IQCB1: variants seen among roughly 807,000 people sequenced by gnomAD.
IQCB1 encodes the protein IQ motif containing B1, also known as IQ calmodulin-binding motif-containing protein 1.
Under a neutral mutation model 84.4 loss-of-function variants are expected in IQCB1, and 56 were observed. The ratio of observed to expected loss-of-function variants is 0.66; its 90% CI spans 0.54 to 0.83. IQCB1 has a LOEUF of 0.83. Ranked by LOEUF, IQCB1 falls within the 40% of genes least tolerant of loss-of-function variation. The pLI is 0.00. For synonymous variants in IQCB1, 210 were observed against 234.8 expected (o/e 0.89, Z 0.96); for missense variants, 629 against 682.1 (o/e 0.92, Z 0.87).
chr3:121,779,162 T>C (rs1011490528), intron 13 of IQCB1, among the ~76,000 whole-genome samples: 1 of 152,102 alleles, frequency 6.6e-6, no homozygotes, highest in African/African-American at 2.4e-5. Flanking sequence ...CTTGGCACAG[T>C]TTTTTCCATG....
At chr3:121,819,490 T>C (rs1334880716) in intron 5 of IQCB1, among the ~76,000 whole-genome samples, 2 of 152,170 alleles carry the variant, frequency 1.3e-5, no homozygotes, top group Admixed American at 6.5e-5. Context: ...TGACAGGCCA[T>C]GGATGAGTAC....
Position 121,770,168 on chromosome 3 carries a change from G to A in IQCB1, c.*177C>T, listed in dbSNP as rs1157858602. 5 of 595,388 alleles carry A rather than the reference G, an allele frequency of 8.4e-6. No homozygotes were observed. Among genetic ancestry groups the A allele is most frequent in the South Asian group, 2.0e-5 (1 of 49,446 alleles). The allele number at this position is 595,388 out of a possible 1,614,324, so 36.9% of individuals were successfully genotyped here. On this transcript the variant is annotated 3_prime_UTR_variant, in exon 15 of 15. Coordinates refer to ENST00000310864, the MANE Select transcript of IQCB1 (RefSeq NM_001023570.4). Reference sequence around the variant, plus strand: ...GCTAACGATGAGGATACAGAGAAAAGAAAAAGAAAATTGAGAGAGAGGTAG... The same window carrying A: ...GCTAACGATGAGGATACAGAGAAAAAAAAAAGAAAATTGAGAGAGAGGTAG...
intron 13 of IQCB1, among the ~76,000 whole-genome samples, chr3:121,778,768 T>C (rs1338411389): frequency 1.3e-5 from 2 of 151,914 alleles, no homozygotes; most frequent in Admixed American, 6.6e-5. Flanking sequence ...TAGCTGAGCA[T>C]GATGGCAGGC....
At position 121,795,543 on chromosome 3, in the gene IQCB1, C is replaced by T; in HGVS notation, c.900G>A (p.Leu300=). The change falls in exon 10 of 15, where the codon TTG becomes TTA. Residue 300 remains leucine (L), a synonymous_variant. Coordinates refer to ENST00000310864, the MANE Select transcript of IQCB1 (RefSeq NM_001023570.4). ...EEQKLHQAAC[L]IQAYWKGFQT... Reference sequence around the variant, plus strand: ...GAAAACCCTTCCAATAGGCTTGAATCAAGCATGCTGCTTGATGTAGTTTCT... The same window carrying T: ...GAAAACCCTTCCAATAGGCTTGAATTAAGCATGCTGCTTGATGTAGTTTCT... 1 of 1,600,734 alleles carries T rather than the reference C, an allele frequency of 6.2e-7. No individual in the cohort carries two copies. Among genetic ancestry groups the T allele is most frequent in the Non-Finnish European group, 8.6e-7 (1 of 1,168,480 alleles).
chr3:121,811,550 A>T (rs1480461782), intron 5 of IQCB1, among the ~76,000 whole-genome samples: 1 of 152,178 alleles, frequency 6.6e-6, no homozygotes, highest in African/African-American at 2.4e-5. Context: ...AACAGTCTGA[A>T]GTCGACCAAC....
At chr3:121,802,309 T>A (rs569134417) in intron 7 of IQCB1, among the ~76,000 whole-genome samples, 1 of 152,286 alleles carries the variant, frequency 6.6e-6, no homozygotes, top group Non-Finnish European at 1.5e-5. Context: ...AATTTTTTTT[T>A]ATAGCTATCT....
rs1409452360 is a variant in IQCB1, at chr3:121,796,226, A to G, written c.877-660T>C. Among the ~76,000 whole-genome samples the G allele has an allele frequency of 3.3e-5, 5 of 152,012 alleles. No individual in the cohort carries two copies. In the East Asian group the frequency reaches 9.6e-4, roughly 29 times the overall value. On this transcript the variant is annotated intron_variant, in intron 9 of 14. Transcript: ENST00000310864. ...ATGGTTCATATATACAGAAAAAAGG[A>G]ATTCCCTTCTTCTGCACTCTTCCTT...
rs141663454 is a variant in IQCB1 at position 121,793,338 on chromosome 3, G to A, written c.986+2119C>T. ...ACTATGAAAGTGCATTAGCAAGGGC[G>A]TGACTATAAAAGAATGCCTCTTGCT... On this transcript the variant is annotated intron_variant, in intron 10 of 14. Transcript: ENST00000310864. Among the ~76,000 whole-genome samples the A allele has an allele frequency of 5.6e-3, 852 of 152,326 alleles. 3 individuals carry two copies. The highest frequency in any genetic ancestry group is 0.02 in the African/African-American group (818 of 41,578).
At chr3:121,819,498 T>C (rs1382138681) in intron 5 of IQCB1, among the ~76,000 whole-genome samples, 3 of 152,144 alleles carry the variant, frequency 2.0e-5, no homozygotes, top group Non-Finnish European at 4.4e-5. Context: ...CATGGATGAG[T>C]ACTAGTCTGT....
rs767616361 is a variant in IQCB1 at position 121,778,064 on chromosome 3, T to C, written c.1410+3679A>G. 9.2e-4 allele frequency among the ~76,000 whole-genome samples: 140 copies of C among 152,044 alleles called. 2 individuals carry two copies. The highest frequency in any genetic ancestry group is 2.2e-4 in the Non-Finnish European group (15 of 67,994). ...CTGGGACCACAGACAGGCATCAACA[T>C]GCCTGGCTAATTTTTAAATTTTTTG... On this transcript the variant is annotated intron_variant, in intron 13 of 14. Transcript: ENST00000310864.
At chr3:121,828,661 A>AT in intron 3 of IQCB1, 29 bp from the exon 4 acceptor site, 3 of 1,503,072 alleles carry the variant, frequency 2.0e-6, no homozygotes, top group Non-Finnish European at 2.8e-6. Context: ...AGATATATTT[A>AT]TTTTTGCTTA....
At chr3:121,816,359 G>A (rs911108665) in intron 5 of IQCB1, among the ~76,000 whole-genome samples, 1 of 152,110 alleles carries the variant, frequency 6.6e-6, no homozygotes, top group African/African-American at 2.4e-5. Flanking sequence ...CATAGGCATA[G>A]GCAAAGATTT....
intron 14 of IQCB1, among the ~76,000 whole-genome samples, chr3:121,770,813 C>T (rs1160123203): frequency 1.3e-5 from 2 of 151,854 alleles, no homozygotes; most frequent in African/African-American, 2.4e-5. Flanking sequence ...TTCCTAAGTA[C>T]CTGGGACTAT....
intron 13 of IQCB1, among the ~76,000 whole-genome samples, chr3:121,780,557 G>A (rs1275514114): frequency 1.3e-5 from 2 of 152,120 alleles, no homozygotes; most frequent in Non-Finnish European, 1.5e-5. Context: ...ATCCAGATTA[G>A]CAGAAGCAGA....
chr3:121,809,773 A>C (rs1482819358), intron 5 of IQCB1, among the ~76,000 whole-genome samples: 2 of 152,044 alleles, frequency 1.3e-5, no homozygotes, highest in Non-Finnish European at 2.9e-5. Context: ...ATGTTGGATA[A>C]AGGTCACTAA....
At chr3:121,777,885 T>C (rs766471360) in intron 13 of IQCB1, among the ~76,000 whole-genome samples, 1 of 152,036 alleles carries the variant, frequency 6.6e-6, no homozygotes, top group Non-Finnish European at 1.5e-5. Context: ...CACTTGTATA[T>C]ACGTCTGTTC....
At chr3:121,827,270 TA>T (rs955459141) in intron 4 of IQCB1, among the ~76,000 whole-genome samples, 28 of 151,200 alleles carry the variant, frequency 1.9e-4, no homozygotes, top group Admixed American at 2.0e-4. Flanking sequence ...AAATAAAAGT[TA>T]AAAAAAAACC....
chr3:121,781,062 G>A (rs1370036082), intron 13 of IQCB1, among the ~76,000 whole-genome samples: 1 of 152,208 alleles, frequency 6.6e-6, no homozygotes, highest in Non-Finnish European at 1.5e-5. Context: ...TGAAAGCACG[G>A]GAGAAGCAGT....
At chr3:121,780,346 A>G (rs767265404) in intron 13 of IQCB1, among the ~76,000 whole-genome samples, 30 of 152,100 alleles carry the variant, frequency 2.0e-4, no homozygotes, top group Non-Finnish European at 4.0e-4. Flanking sequence ...GATTTCATGC[A>G]TTTTATCTGC....
Sources: allele counts gnomAD v4.1 joint callset (sites outside exome capture counted in the v4.1 genomes callset), GRCh38; gene constraint gnomAD v4.1.1; transcripts MANE v1.5; gene names NCBI Gene and HGNC (gene_info 2026-07-23, HGNC 2026-07-21).